The following NCAM2 variants were observed in gnomAD, a reference collection of about 807,000 sequenced individuals.
The protein encoded by NCAM2 is N-CAM-2.
A neutral mutation model predicts 98.1 loss-of-function variants in NCAM2; 30 were observed. The observed-to-expected ratio is 0.31, with a 90% CI of 0.23 to 0.41. The LOEUF (loss-of-function observed/expected upper bound fraction) is 0.41, where lower values mean the gene tolerates loss of function less well. Ranked by LOEUF, NCAM2 falls within the 10% of genes least tolerant of loss-of-function variation. The pLI, the probability that NCAM2 is intolerant of heterozygous loss-of-function variation, is 1.00. For synonymous variants in NCAM2, 368 were observed against 342.4 expected, an observed-to-expected ratio of 1.07 and a Z score of -0.83; for missense variants, 867 against 1,005.8, an observed-to-expected ratio of 0.86 and a Z score of 1.87.
intron 5 of NCAM2, among the ~76,000 whole-genome samples, chr21:21,296,673 G>A (rs1322473427): frequency 6.6e-6 from 1 of 151,710 alleles, no homozygotes. Flanking sequence ...GGGAGAAAAA[G>A]TGAGTTCATG....
chr21:21,477,200 G>C, intron 14 of NCAM2, 91 bp from the exon 15 acceptor site: 8 of 951,916 alleles, frequency 8.4e-6, no homozygotes, highest in Non-Finnish European at 1.2e-5. Context: ...TCCAATATAA[G>C]TATATTGTTC....
chr21:21,180,319 C>T (rs551958883), intron 1 of NCAM2, among the ~76,000 whole-genome samples: 45 of 152,152 alleles, frequency 3.0e-4, no homozygotes, highest in Non-Finnish European at 5.0e-4. Flanking sequence ...AGATATTTTA[C>T]CCATTTTTAA....
At chr21:21,213,856 G>A (rs1380432559) in intron 1 of NCAM2, among the ~76,000 whole-genome samples, 4 of 152,068 alleles carry the variant, frequency 2.6e-5, no homozygotes, top group Admixed American at 2.6e-4. Flanking sequence ...CATACACATA[G>A]TATTTAGGGG....
chr21:21,174,142 A>G (rs1396373396), intron 1 of NCAM2, among the ~76,000 whole-genome samples: 3 of 152,036 alleles, frequency 2.0e-5, no homozygotes, highest in Non-Finnish European at 4.4e-5. Context: ...CTGGTCTCGA[A>G]CTACTAACCT....
chr21:21,536,616 C>G (rs1479857816), intron 17 of NCAM2, among the ~76,000 whole-genome samples: 2 of 152,240 alleles, frequency 1.3e-5, no homozygotes, highest in African/African-American at 4.8e-5. Context: ...TCTCCAACTC[C>G]TGACCTCATG....
chr21:21,134,138 G>C (rs2066992886), intron 1 of NCAM2, among the ~76,000 whole-genome samples: 1 of 150,360 alleles, frequency 6.7e-6, no homozygotes, highest in Non-Finnish European at 1.5e-5. Context: ...GTGCAATCTT[G>C]GCTCACTGCA....
At chr21:21,406,898 T>G (rs2076749629) in intron 9 of NCAM2, among the ~76,000 whole-genome samples, 1 of 152,002 alleles carries the variant, frequency 6.6e-6, no homozygotes, top group Non-Finnish European at 1.5e-5. Flanking sequence ...CCTATTGCCT[T>G]TTTTCTTTCA....
At chr21:21,403,630 C>A (rs1246545338) in intron 9 of NCAM2, among the ~76,000 whole-genome samples, 1 of 152,126 alleles carries the variant, frequency 6.6e-6, no homozygotes, top group Non-Finnish European at 1.5e-5. Flanking sequence ...AGTGTACAAT[C>A]AAATATATCA....
intron 16 of NCAM2, among the ~76,000 whole-genome samples, chr21:21,524,385 C>T: frequency 6.7e-6 from 1 of 149,104 alleles, no homozygotes; most frequent in Non-Finnish European, 1.5e-5. Flanking sequence ...TAGCTGGAGA[C>T]TTTAACGCTG....
chr21:21,423,486 G>A (rs1300972239), intron 11 of NCAM2, among the ~76,000 whole-genome samples: 4 of 152,232 alleles, frequency 2.6e-5, no homozygotes, highest in South Asian at 2.1e-4. Flanking sequence ...CATCAATCTA[G>A]ACATCAAGGA....
intron 1 of NCAM2, among the ~76,000 whole-genome samples, chr21:21,075,243 G>A (rs984874791): frequency 7.9e-5 from 12 of 152,080 alleles, no homozygotes; most frequent in Admixed American, 5.2e-4. Flanking sequence ...TGTAGATGAC[G>A]GGTTGATGGA....
chr21:21,383,136 A>C (rs1437589448), intron 9 of NCAM2, among the ~76,000 whole-genome samples: 1 of 152,112 alleles, frequency 6.6e-6, no homozygotes, highest in African/African-American at 2.4e-5. Context: ...TGGATATTGT[A>C]AATATTATGT....
chr21:21,086,463 A>G (rs750249714), intron 1 of NCAM2, among the ~76,000 whole-genome samples: 1 of 152,196 alleles, frequency 6.6e-6, no homozygotes, highest in Non-Finnish European at 1.5e-5. Context: ...AATCACATGC[A>G]TACAGAAGAC....
intron 8 of NCAM2, among the ~76,000 whole-genome samples, chr21:21,359,220 C>G (rs1489125264): frequency 6.6e-6 from 1 of 151,816 alleles, no homozygotes; most frequent in Admixed American, 6.6e-5. Flanking sequence ...GCCCCAAGAG[C>G]AATAATATAA....
At chr21:21,385,918 T>C (rs2076261848) in intron 9 of NCAM2, among the ~76,000 whole-genome samples, 1 of 151,620 alleles carries the variant, frequency 6.6e-6, no homozygotes, top group South Asian at 2.1e-4. Context: ...TTTCATTTAC[T>C]TTTTTTTTCT....
intron 1 of NCAM2, among the ~76,000 whole-genome samples, chr21:21,149,344 A>C (rs866813168): frequency 9.9e-5 from 15 of 152,182 alleles, no homozygotes; most frequent in African/African-American, 3.6e-4. Flanking sequence ...ATTCAAGGTC[A>C]TGGAATATTT....
intron 9 of NCAM2, among the ~76,000 whole-genome samples, chr21:21,382,805 C>T (rs1334018740): frequency 2.0e-5 from 3 of 151,976 alleles, no homozygotes. Flanking sequence ...GCTAGGATTA[C>T]AGGCGGGAGC....
intron 1 of NCAM2, among the ~76,000 whole-genome samples, chr21:21,258,735 G>C (rs2071771758): frequency 6.6e-6 from 1 of 152,004 alleles, no homozygotes; most frequent in South Asian, 2.1e-4. Context: ...CCTCCCCAGG[G>C]AACCTCCACC....
At chr21:21,527,273 G>A (rs1989379205) in intron 16 of NCAM2, among the ~76,000 whole-genome samples, 2 of 151,886 alleles carry the variant, frequency 1.3e-5, no homozygotes, top group Admixed American at 1.3e-4. Flanking sequence ...CATCACGCCT[G>A]GCTAATTTTT....
Sources: allele counts gnomAD v4.1 joint callset (sites outside exome capture counted in the v4.1 genomes callset), GRCh38; gene constraint gnomAD v4.1.1; transcripts MANE v1.5; gene names NCBI Gene and HGNC (gene_info 2026-07-23, HGNC 2026-07-21).